FBXO36: variants seen among roughly 807,000 people sequenced by gnomAD.
The protein encoded by FBXO36 is F-box protein 36, also known as F-box only protein 36.
Under a neutral mutation model 17.0 loss-of-function variants are expected in FBXO36, and 18 were observed. The observed-to-expected ratio is 1.06, with a 90% CI of 0.73 to 1.57. FBXO36 has a LOEUF of 1.57. Ranked by LOEUF, FBXO36 falls within the 40% of genes most tolerant of loss-of-function variation. FBXO36 has a pLI of 0.00. For synonymous variants in FBXO36, 83 were observed against 85.3 expected (o/e 0.97, Z 0.15); for missense variants, 229 against 221.9 (o/e 1.03, Z -0.20).
chr2:229,934,139 C>T (rs980635032), intron 1 of FBXO36, among the ~76,000 whole-genome samples: 13 of 152,050 alleles, frequency 8.5e-5, no homozygotes, highest in Non-Finnish European at 1.9e-4. Context: ...CGGTGGCTCA[C>T]GCCTGTAATC....
chr2:229,922,675 G>A (rs910750924), intron 1 of FBXO36, 66 bp downstream of exon 1: 7 of 1,535,048 alleles, frequency 4.6e-6, no homozygotes, highest in Non-Finnish European at 6.3e-6. Flanking sequence ...GGCCCGGGAC[G>A]CAGGCTGTGC....
At position 230,007,785 on chromosome 2, in the gene FBXO36, A is replaced by G. The variant is rs577334744; in HGVS notation, c.379-2911A>G. 1.4e-3 allele frequency among the ~76,000 whole-genome samples: 215 copies of G among 152,156 alleles called. 1 individual carries two copies. Among genetic ancestry groups the G allele is most frequent in the Non-Finnish European group, 2.4e-3 (163 of 68,004 alleles). On this transcript the variant is annotated intron_variant, in intron 3 of 3. Transcript: ENST00000283946. ...CTAATTTTTGTATTTTAGTAGAGAC[A>G]GAGTTTCACCATGTTGGCCAGGCTG...
chr2:229,986,992 G>A lies in FBXO36; in HGVS notation c.206-9759G>A, dbSNP rs911570925. ...CCAGCACTTTGGGAGGCCAAGGTGG[G>A]CAGATCATTTGAGGTCAGGAGTTCA... is the stretch of plus-strand genomic sequence containing the variant. On this transcript the variant is annotated intron_variant, in intron 2 of 3. Transcript: ENST00000283946. 5.3e-5 allele frequency among the ~76,000 whole-genome samples: 8 copies of A among 151,504 alleles called. No individual in the cohort carries two copies. In the South Asian group the frequency reaches 1.7e-3, roughly 32 times the overall value.
In FBXO36 at chr2:229,927,768, GA is replaced by G. The variant is rs2076920521; in HGVS notation, c.96+5164del. On this transcript the variant is annotated intron_variant, in intron 1 of 3. Transcript: ENST00000283946. ...TGTCATTTGAAAAAAAAAAAAAAAT[GA>G]AAAAGCTCACCCCTCTAAAAAAAAT... Among the ~76,000 whole-genome samples, 4 of 147,406 alleles carry G rather than the reference GA, an allele frequency of 2.7e-5. No homozygotes were observed. The South Asian group carries it at 8.7e-4, about 32-fold the overall frequency.
chr2:230,004,709 T>A (rs1056241080), intron 3 of FBXO36, among the ~76,000 whole-genome samples: 13 of 152,188 alleles, frequency 8.5e-5, no homozygotes, highest in African/African-American at 2.7e-4. Context: ...TTAGACACTT[T>A]TAAAATATCA....
At chr2:229,962,107 T>C (rs1158402175) in intron 1 of FBXO36, among the ~76,000 whole-genome samples, 1 of 151,626 alleles carries the variant, frequency 6.6e-6, no homozygotes, top group African/African-American at 2.4e-5. Context: ...CACTTGAACC[T>C]GTGAGGCAGA....
At chr2:229,962,188 A>T (rs1242082425) in intron 1 of FBXO36, among the ~76,000 whole-genome samples, 1 of 151,934 alleles carries the variant, frequency 6.6e-6, no homozygotes, top group Non-Finnish European at 1.5e-5. Context: ...AAAAAAAAAA[A>T]ATTAGGTTTT....
rs770679491 is a variant in FBXO36, at chr2:229,981,716, AAGAAAG to A, written c.205+5369_205+5374del. ...GACCCTGTCTCAAAAAAAAAAAAAA[AAGAAAG>A]AAAGAAAAAGGAAAAGAAAAAAAAA... On this transcript the variant is annotated intron_variant, in intron 2 of 3. Coordinates refer to ENST00000283946, the MANE Select transcript of FBXO36 (RefSeq NM_174899.5). 7.1e-4 allele frequency among the ~76,000 whole-genome samples: 101 copies of A among 141,500 alleles called. 7 individuals carry two copies. The highest frequency in any genetic ancestry group is 9.4e-4 in the Admixed American group (13 of 13,866). The allele number at this position is 141,500 out of a possible 152,430, so 92.8% of individuals were successfully genotyped here. A position where few individuals can be genotyped will look rare whatever the true frequency, so the allele number is the denominator to read the frequency against.
chr2:230,004,688 C>T (rs2077377692), intron 3 of FBXO36, among the ~76,000 whole-genome samples: 1 of 151,990 alleles, frequency 6.6e-6, no homozygotes, highest in South Asian at 2.1e-4. Context: ...TTTTCTACTT[C>T]ACAACATATT....
chr2:229,945,003 C>T (rs1347610685), intron 1 of FBXO36: 1 of 152,138 alleles, frequency 6.6e-6, no homozygotes, highest in Non-Finnish European at 1.5e-5. Context: ...TAGGTTTAGA[C>T]AGCTAAAGAT....
intron 1 of FBXO36, among the ~76,000 whole-genome samples, chr2:229,956,402 A>G (rs186075561): frequency 7.9e-5 from 12 of 152,336 alleles, no homozygotes; most frequent in South Asian, 4.1e-4. Flanking sequence ...CTGACTGTAA[A>G]CAGATTAACA....
At chr2:229,952,227 C>G (rs753797514) in intron 1 of FBXO36, among the ~76,000 whole-genome samples, 1 of 152,064 alleles carries the variant, frequency 6.6e-6, no homozygotes, top group African/African-American at 2.4e-5. Flanking sequence ...TCTTCTTTTC[C>G]CTCTAGTTTC....
intron 3 of FBXO36, among the ~76,000 whole-genome samples, chr2:230,007,341 A>G (rs2077392192): frequency 6.6e-6 from 1 of 152,228 alleles, no homozygotes; most frequent in Non-Finnish European, 1.5e-5. Context: ...CACCGGGAGA[A>G]CCACTTAGGA....
At position 230,013,024 on chromosome 2, in the gene FBXO36, GTAAA is replaced by G. The variant is rs1241389419; in HGVS notation, c.*2145_*2148del. On this transcript the variant is annotated 3_prime_UTR_variant, in exon 4 of 4. Coordinates refer to ENST00000283946, the MANE Select transcript of FBXO36 (RefSeq NM_174899.5). The stretch of plus-strand genomic sequence containing the variant: ...AAATGTTATAAAAATAAATGCTAAA[GTAAA>G]TAAAAAAAGAGCCATTAATATGTTA... 6.6e-6 allele frequency: 1 copy of G among 150,880 alleles called. No individual in the cohort carries two copies. The highest frequency in any genetic ancestry group is 2.4e-5 in the African/African-American group (1 of 41,194). 9.3% of individuals were successfully genotyped at this position (150,880 alleles called of 1,614,324 possible). A position where few individuals can be genotyped will look rare whatever the true frequency, so the allele number is the denominator to read the frequency against.
intron 1 of FBXO36, among the ~76,000 whole-genome samples, chr2:229,933,065 C>T (rs1043026097): frequency 6.6e-5 from 10 of 151,882 alleles, no homozygotes; most frequent in African/African-American, 2.2e-4. Flanking sequence ...AGCGAGATTC[C>T]GTCTCAAAAA....
intron 3 of FBXO36, among the ~76,000 whole-genome samples, chr2:229,999,831 G>T (rs1342885696): frequency 6.6e-6 from 1 of 151,920 alleles, no homozygotes; most frequent in African/African-American, 2.4e-5. Flanking sequence ...ATACCCAATA[G>T]TTATGTTTTC....
intron 1 of FBXO36, among the ~76,000 whole-genome samples, chr2:229,975,637 C>G (rs1476594076): frequency 6.6e-6 from 1 of 151,482 alleles, no homozygotes; most frequent in African/African-American, 2.4e-5. Context: ...CAATGCCCAG[C>G]TCATTTAAAA....
intron 2 of FBXO36, among the ~76,000 whole-genome samples, chr2:229,984,337 ACT>A (rs1442279378): frequency 1.3e-5 from 2 of 150,538 alleles, no homozygotes; most frequent in African/African-American, 4.9e-5. Flanking sequence ...ACAGAGCAAG[ACT>A]CTATCTCAAA....
chr2:229,956,319 T>A (rs1263389485), intron 1 of FBXO36, among the ~76,000 whole-genome samples: 1 of 152,212 alleles, frequency 6.6e-6, no homozygotes, highest in Non-Finnish European at 1.5e-5. Context: ...TCTCTGGGCA[T>A]ACACATTGTC....
Sources: allele counts gnomAD v4.1 joint callset (sites outside exome capture counted in the v4.1 genomes callset), GRCh38; gene constraint gnomAD v4.1.1; transcripts MANE v1.5; gene names NCBI Gene and HGNC (gene_info 2026-07-23, HGNC 2026-07-21).